The following TEX9 variants were observed in gnomAD, a reference collection of about 807,000 sequenced individuals.
TEX9 encodes the protein testis-expressed protein 9.
In TEX9, 74 loss-of-function variants were observed where a neutral mutation model predicts 59.6. The ratio of observed to expected loss-of-function variants is 1.24; its 90% CI spans 1.03 to 1.51. The LOEUF is 1.51. TEX9 is among the 40% of genes most tolerant of loss of function. The pLI is 0.00. For synonymous variants in TEX9, 186 were observed against 152.2 expected, an observed-to-expected ratio of 1.22 and a Z score of -1.64; for missense variants, 522 against 447.8, an observed-to-expected ratio of 1.17 and a Z score of -1.49.
exon 1 of TEX9, chr15:56,365,473 T>G (rs149441539): frequency 2.0e-5 from 32 of 1,614,042 alleles, no homozygotes; most frequent in Non-Finnish European, 2.6e-5. Context: ...AGTCTGTGTC[T>G]CACGGTCAGT....
chr15:56,318,666 T>C (rs2045833347), intron 1 of TEX9, among the ~76,000 whole-genome samples: 1 of 152,042 alleles, frequency 6.6e-6, no homozygotes, highest in African/African-American at 2.4e-5. Flanking sequence ...TTTAATTCTC[T>C]TGTTGTTTCT....
At chr15:56,281,948 T>C (rs905285930) in intron 1 of TEX9, among the ~76,000 whole-genome samples, 2 of 152,196 alleles carry the variant, frequency 1.3e-5, no homozygotes, top group African/African-American at 4.8e-5. Flanking sequence ...CATCAACTTC[T>C]TCATTTATAA....
At chr15:56,312,860 C>T (rs1184597188) in intron 1 of TEX9, among the ~76,000 whole-genome samples, 43 of 107,142 alleles carry the variant, frequency 4.0e-4, no homozygotes, top group Admixed American at 7.9e-4. Context: ...AGGTCCTTCA[C>T]ATCCCTTGTA....
intron 10 of TEX9, chr15:56,421,736 G>A (rs1193226404): frequency 1.3e-5 from 2 of 151,510 alleles, no homozygotes; most frequent in Non-Finnish European, 2.9e-5. Flanking sequence ...TTGTTCTTGC[G>A]ATAGTTTGCT....
chr15:56,317,391 A>G (rs2045801275), intron 1 of TEX9, among the ~76,000 whole-genome samples: 2 of 152,142 alleles, frequency 1.3e-5, no homozygotes, highest in Non-Finnish European at 2.9e-5. Flanking sequence ...CCCCTTCTTT[A>G]TTCTTAATGT....
chr15:56,415,417 G>T (rs145829383), intron 10 of TEX9, among the ~76,000 whole-genome samples: 1 of 151,898 alleles, frequency 6.6e-6, no homozygotes, highest in African/African-American at 2.4e-5. Context: ...TTTGTATAAG[G>T]TGGAAGGAAA....
chr15:56,333,359 A>T (rs758971288), intron 1 of TEX9, among the ~76,000 whole-genome samples: 5 of 152,198 alleles, frequency 3.3e-5, no homozygotes, highest in Non-Finnish European at 5.9e-5. Flanking sequence ...GGATGGTTCA[A>T]CATATGCAAA....
Position 56,286,581 on chromosome 15 carries a change from A to G in TEX9, c.-107+42303A>G, listed in dbSNP as rs186476951. Among the ~76,000 whole-genome samples the G allele has an allele frequency of 2.2e-4, 33 of 152,316 alleles. No homozygotes were observed. In the East Asian group the frequency reaches 6.2e-3, roughly 28 times the overall value. On this transcript the variant is annotated intron_variant, in intron 1 of 5. Coordinates refer to the TEX9 transcript ENST00000560827. ...TTGTAGAGACCATTGGATATAGGAC[A>G]ACAGACTTCAGCGAGAACTGTTTAA... is the stretch of plus-strand genomic sequence containing the variant.
At chr15:56,377,904 T>TACTC (rs2047532473) in intron 3 of TEX9, among the ~76,000 whole-genome samples, 1 of 152,138 alleles carries the variant, frequency 6.6e-6, no homozygotes, top group Admixed American at 6.6e-5. Flanking sequence ...TTTATACTCA[T>TACTC]GTTTTGAAGT....
chr15:56,405,290 G>T (rs1419223228), intron 9 of TEX9, among the ~76,000 whole-genome samples: 1 of 145,248 alleles, frequency 6.9e-6, no homozygotes. Flanking sequence ...CTGGGTGACA[G>T]AGCAAGACTC....
chr15:56,394,596 TC>T (rs1337009644), intron 8 of TEX9, 64 bp from the exon 9 acceptor site: 5 of 1,208,666 alleles, frequency 4.1e-6, no homozygotes, highest in African/African-American at 1.6e-5. Context: ...CGTCTTTTTT[TC>T]TGCTTTGTTT....
intron 1 of TEX9, among the ~76,000 whole-genome samples, chr15:56,317,998 G>C (rs1334965290): frequency 5.9e-5 from 9 of 152,126 alleles, no homozygotes; most frequent in African/African-American, 1.9e-4. Context: ...ATTAGGTCTA[G>C]TTGGTTTATA....
intron 9 of TEX9, among the ~76,000 whole-genome samples, chr15:56,403,917 C>G (rs1426136638): frequency 6.6e-6 from 1 of 152,202 alleles, no homozygotes; most frequent in Non-Finnish European, 1.5e-5. Context: ...GTTAGGAAAA[C>G]TGGCTAGCCA....
chr15:56,397,479 A>T (rs190385521), intron 9 of TEX9: 4 of 152,344 alleles, frequency 2.6e-5, no homozygotes, highest in Admixed American at 6.5e-5. Flanking sequence ...AGAAATTTGC[A>T]TAAGTCTTGA....
chr15:56,277,215 T>G (rs1241215430), intron 1 of TEX9, among the ~76,000 whole-genome samples: 1 of 152,198 alleles, frequency 6.6e-6, no homozygotes, highest in Non-Finnish European at 1.5e-5. Context: ...CTGTTGCAAT[T>G]GCTTTTGGTA....
At chr15:56,318,208 TTTTA>T (rs2045823007) in intron 1 of TEX9, among the ~76,000 whole-genome samples, 1 of 152,138 alleles carries the variant, frequency 6.6e-6, no homozygotes, top group Non-Finnish European at 1.5e-5. Flanking sequence ...GAATTGACCC[TTTTA>T]TTTATGTTCC....
chr15:56,365,141 T>A (rs1286028556), upstream of TEX9, among the ~76,000 whole-genome samples: 1 of 152,236 alleles, frequency 6.6e-6, no homozygotes, highest in Non-Finnish European at 1.5e-5. Context: ...AGGGATTGCC[T>A]CACCAGCTTG....
chr15:56,365,363 A>C, upstream of TEX9: 1 of 1,516,050 alleles, frequency 6.6e-7, no homozygotes, highest in African/African-American at 1.4e-5. Flanking sequence ...GGGAAGGCGT[A>C]GGCGCCCGGG....
At position 56,281,468 on chromosome 15, in the gene TEX9, G is replaced by A. The variant is rs575984229; in HGVS notation, c.-107+37190G>A. ...CCTTCTGTGAACCGCCCATGCGAGG[G>A]ATCTAGGTTGTGCGCTCCTTATGAA... On this transcript the variant is annotated intron_variant, in intron 1 of 5. Transcript: ENST00000560827. 3.3e-5 allele frequency among the ~76,000 whole-genome samples: 5 copies of A among 152,330 alleles called. No individual in the cohort carries two copies. The South Asian group carries it at 6.2e-4, about 19-fold the overall frequency.
Sources: gnomAD v4.1 joint callset for allele counts (sites outside exome capture counted in the v4.1 genomes callset) on GRCh38, gnomAD v4.1.1 for gene constraint, MANE v1.5 for transcripts, NCBI Gene and HGNC (gene_info 2026-07-23, HGNC 2026-07-21) for gene names.